SRPK1: variants seen among roughly 807,000 people sequenced by gnomAD.
SRPK1 encodes the protein SRSF protein kinase 1.
A neutral mutation model predicts 89.5 loss-of-function variants in SRPK1; 52 were observed. That is an observed-to-expected ratio of 0.58 (90% CI 0.46 to 0.73). The LOEUF (loss-of-function observed/expected upper bound fraction) is 0.73. Ranked by LOEUF, SRPK1 falls within the 30% of genes least tolerant of loss-of-function variation. The probability of loss-of-function intolerance (pLI) is 0.00; values close to 1 mark genes in which losing one functional copy is unlikely to be tolerated. For missense variants in SRPK1, 603 were observed against 780.6 expected, an observed-to-expected ratio of 0.77 and a Z score of 2.71; for synonymous variants, 255 against 270.2, an observed-to-expected ratio of 0.94 and a Z score of 0.55.
chr6:35,871,015 T>A, intron 8 of SRPK1, 56 bp from the exon 9 acceptor site: 1 of 1,476,170 alleles, frequency 6.8e-7, no homozygotes, highest in Non-Finnish European at 9.4e-7. Flanking sequence ...CAATATAAAC[T>A]AAGGCTCAGA....
chr6:35,917,344 T>C (rs1455061604), intron 2 of SRPK1, among the ~76,000 whole-genome samples: 1 of 152,140 alleles, frequency 6.6e-6, no homozygotes, highest in Non-Finnish European at 1.5e-5. Flanking sequence ...AAACACATGA[T>C]TGGTAGCCAG....
At chr6:35,905,088 A>C in intron 2 of SRPK1, 1 of 329,512 alleles carries the variant, frequency 3.0e-6, no homozygotes, top group Non-Finnish European at 5.8e-6. Context: ...TTGAGATTGC[A>C]GTGACCTATG....
intron 2 of SRPK1, among the ~76,000 whole-genome samples, chr6:35,915,995 TATACACACACACACACACACAC>T (rs1771089835): frequency 7.3e-5 from 4 of 54,660 alleles, no homozygotes; most frequent in East Asian, 3.5e-4. Context: ...AAAAAAAATA[TATACACACACACACACACACAC>T]ACACACACAC....
At chr6:35,918,810 G>T (rs920908248) in intron 2 of SRPK1, among the ~76,000 whole-genome samples, 2 of 152,100 alleles carry the variant, frequency 1.3e-5, no homozygotes, top group African/African-American at 4.8e-5. Flanking sequence ...ATAGATAATC[G>T]AAAGTAACAG....
Position 35,872,545 on chromosome 6 carries a change from C to A in SRPK1, c.751+18G>T. ...TTTTAACTTCTAATGATAGCGAAGT[C>A]CCTAAAAGAAAATACACCTGCAGAT... is the stretch of plus-strand genomic sequence containing the variant. On this transcript the variant is annotated intron_variant, in intron 8 of 15. Transcript: ENST00000373825. The A allele has an allele frequency of 6.3e-7, 1 of 1,576,824 alleles. No homozygotes were observed. The highest frequency in any genetic ancestry group is 8.6e-7 in the Non-Finnish European group (1 of 1,166,316).
intron 5 of SRPK1, among the ~76,000 whole-genome samples, chr6:35,887,272 T>G (rs1770431485): frequency 6.6e-6 from 1 of 152,178 alleles, no homozygotes; most frequent in Non-Finnish European, 1.5e-5. Flanking sequence ...TTCTGAAAAG[T>G]ACTGTCTTAA....
Position 35,833,388 on chromosome 6 carries a change from T to C in SRPK1, c.*1916A>G, listed in dbSNP as rs1769103536. 1 of 152,402 alleles carries C rather than the reference T, an allele frequency of 6.6e-6. No individual in the cohort carries two copies. The highest frequency in any genetic ancestry group is 1.5e-5 in the Non-Finnish European group (1 of 68,044). The allele number at this position is 152,402 out of a possible 1,614,324, so 9.4% of individuals were successfully genotyped here. ...TTAAAATAGGGCCTTTTGTGTTTTG[T>C]TATTTCACCTTAATATCACCAGAAT... is the stretch of plus-strand genomic sequence containing the variant. On this transcript the variant is annotated 3_prime_UTR_variant, in exon 16 of 16. Coordinates refer to ENST00000373825, the MANE Select transcript of SRPK1 (RefSeq NM_003137.5).
At chr6:35,860,563 T>C (rs1405700085) in intron 12 of SRPK1, among the ~76,000 whole-genome samples, 1 of 152,154 alleles carries the variant, frequency 6.6e-6, no homozygotes, top group African/African-American at 2.4e-5. Context: ...ACAGAGTCAA[T>C]ACGTTTCTCC....
intron 2 of SRPK1, among the ~76,000 whole-genome samples, chr6:35,913,337 A>C (rs1352243880): frequency 6.6e-6 from 1 of 152,192 alleles, no homozygotes; most frequent in Non-Finnish European, 1.5e-5. Flanking sequence ...ACACACAATT[A>C]AAAATGCAAA....
At chr6:35,915,418 A>C (rs1298683602) in intron 2 of SRPK1, among the ~76,000 whole-genome samples, 1 of 151,682 alleles carries the variant, frequency 6.6e-6, no homozygotes, top group East Asian at 1.9e-4. Flanking sequence ...AAAAAAAAAA[A>C]AAAAAAGAAA....
intron 6 of SRPK1, among the ~76,000 whole-genome samples, chr6:35,882,644 TTACAGA>T (rs1770320703): frequency 6.6e-6 from 1 of 152,032 alleles, no homozygotes; most frequent in Non-Finnish European, 1.5e-5. Flanking sequence ...TCTAAAACAA[TTACAGA>T]TAAAATGTTT....
At position 35,915,971 on chromosome 6, in the gene SRPK1, C is replaced by CAAAAAA. The variant is rs35912769; in HGVS notation, c.74+4496_74+4497insTTTTTT. ...TGGGCGACAGAACGAGACTCTGTCT[C>CAAAAAA]AAAAACAAAAAAAAAAAAAAATATA... On this transcript the variant is annotated intron_variant, in intron 2 of 15. Coordinates refer to ENST00000373825, the MANE Select transcript of SRPK1 (RefSeq NM_003137.5). Among the ~76,000 whole-genome samples, 27 of 51,726 alleles carry CAAAAAA rather than the reference C, an allele frequency of 5.2e-4. 2 individuals are homozygous for CAAAAAA. The highest frequency in any genetic ancestry group is 1.2e-3 in the African/African-American group (9 of 7,660). 33.9% of individuals were successfully genotyped at this position (51,726 alleles called of 152,430 possible).
At chr6:35,890,561 A>C (rs1159605112) in intron 3 of SRPK1, among the ~76,000 whole-genome samples, 4 of 152,260 alleles carry the variant, frequency 2.6e-5, no homozygotes, top group Non-Finnish European at 5.9e-5. Flanking sequence ...GTATTTTGTA[A>C]AAATCTATAT....
At chr6:35,917,091 C>A (rs190825822) in intron 2 of SRPK1, among the ~76,000 whole-genome samples, 11 of 143,674 alleles carry the variant, frequency 7.7e-5, no homozygotes, top group Non-Finnish European at 1.4e-4. Flanking sequence ...CAAAAACAGA[C>A]ACACACTGTT....
intron 7 of SRPK1, among the ~76,000 whole-genome samples, chr6:35,873,211 A>G (rs1770071529): frequency 6.6e-6 from 1 of 152,210 alleles, no homozygotes; most frequent in Non-Finnish European, 1.5e-5. Context: ...TATACTGTAT[A>G]TTGAAGGCTC....
intron 2 of SRPK1, among the ~76,000 whole-genome samples, chr6:35,899,030 G>A (rs1001576292): frequency 1.3e-5 from 2 of 152,040 alleles, no homozygotes; most frequent in East Asian, 1.9e-4. Context: ...GCATGGTGGC[G>A]CGTGCCTGTA....
chr6:35,911,996 C>T (rs1470635786), intron 2 of SRPK1, among the ~76,000 whole-genome samples: 3 of 151,862 alleles, frequency 2.0e-5, no homozygotes, highest in African/African-American at 4.8e-5. Context: ...ACAGCTACTC[C>T]AACCTTGAGC....
At chr6:35,841,830 CAAAAAAAAAAAAA>C (rs749935901) in intron 14 of SRPK1, among the ~76,000 whole-genome samples, 1 of 44,728 alleles carries the variant, frequency 2.2e-5, no homozygotes. Context: ...GACTCCGTCT[CAAAAAAAAAAAAA>C]AAAAAAAAAA....
intron 2 of SRPK1, among the ~76,000 whole-genome samples, chr6:35,892,999 C>T (rs1348663162): frequency 2.0e-5 from 3 of 152,146 alleles, no homozygotes; most frequent in Non-Finnish European, 4.4e-5. Context: ...CCAGGGTACA[C>T]AAAATTAGCT....
Sources: gnomAD v4.1 joint callset for allele counts (sites outside exome capture counted in the v4.1 genomes callset) on GRCh38, gnomAD v4.1.1 for gene constraint, MANE v1.5 for transcripts, NCBI Gene and HGNC (gene_info 2026-07-23, HGNC 2026-07-21) for gene names.